TUSC3: variants seen among roughly 807,000 people sequenced by gnomAD.
TUSC3 encodes tumor suppressor candidate 3, also known as dolichyl-diphosphooligosaccharide--protein glycosyltransferase subunit TUSC3.
TUSC3 carries 45 observed loss-of-function variants against 44.8 expected under a neutral mutation model. The observed-to-expected ratio is 1.00, with a 90% CI of 0.79 to 1.29. The LOEUF is 1.29. TUSC3 is among the 50% of genes most tolerant of loss of function. The pLI is 0.00. For synonymous variants in TUSC3, 212 were observed against 152.9 expected (o/e 1.39, Z -2.85); for missense variants, 519 against 437.9 (o/e 1.19, Z -1.65).
intron 2 of TUSC3, among the ~76,000 whole-genome samples, chr8:15,505,417 G>T (rs538707306): frequency 1.3e-5 from 2 of 152,300 alleles, no homozygotes; most frequent in East Asian, 3.9e-4. Context: ...TCCTTTTTCA[G>T]TTAATTTGAG....
intron 6 of TUSC3, among the ~76,000 whole-genome samples, chr8:15,692,468 G>A (rs1430028133): frequency 7.0e-6 from 1 of 143,630 alleles, no homozygotes; most frequent in Non-Finnish European, 1.5e-5. Context: ...TTTGAATCCA[G>A]CTGGTCCTGG....
At chr8:15,620,765 T>C (rs1182094952) in intron 1 of TUSC3, among the ~76,000 whole-genome samples, 2 of 152,150 alleles carry the variant, frequency 1.3e-5, no homozygotes, top group South Asian at 2.1e-4. Flanking sequence ...ATGGGAAGCA[T>C]GGGAAATAGG....
At chr8:15,826,452 G>T in the TUSC3 span, among the ~76,000 whole-genome samples, 1 of 152,124 alleles carries the variant, frequency 6.6e-6, no homozygotes, top group African/African-American at 2.4e-5. Flanking sequence ...CTGGTTTAGT[G>T]ATATCGCACA....
chr8:15,672,628 A>G (rs1327172846), intron 5 of TUSC3, among the ~76,000 whole-genome samples: 2 of 152,080 alleles, frequency 1.3e-5, no homozygotes, highest in African/African-American at 4.8e-5. Flanking sequence ...TCTTAAGAGC[A>G]CAGAAGGTTC....
chr8:15,558,876 G>A lies in TUSC3; in HGVS notation c.138+18308G>A, dbSNP rs557673364. Among the ~76,000 whole-genome samples, 26 of 151,098 alleles carry A rather than the reference G, an allele frequency of 1.7e-4. No individual in the cohort carries two copies. The South Asian group carries it at 4.4e-3, about 26-fold the overall frequency. On this transcript the variant is annotated intron_variant, in intron 1 of 10. Coordinates refer to ENST00000503731, the MANE Select transcript of TUSC3 (RefSeq NM_006765.4). Reference sequence around the variant, plus strand: ...TATCCCCTTTATCATTTTTTATTGCGTCTGTTCGATTCTTCTCTTTTTCTT... The same window carrying A: ...TATCCCCTTTATCATTTTTTATTGCATCTGTTCGATTCTTCTCTTTTTCTT...
chr8:15,775,218 A>C, the TUSC3 span, among the ~76,000 whole-genome samples: 1 of 152,204 alleles, frequency 6.6e-6, no homozygotes. Context: ...AAAGCCACAT[A>C]GTATATCATT....
At chr8:15,577,171 CTTGTAAA>C (rs1803150680) in intron 1 of TUSC3, among the ~76,000 whole-genome samples, 1 of 149,098 alleles carries the variant, frequency 6.7e-6, no homozygotes, top group African/African-American at 2.5e-5. Flanking sequence ...TTGTTTTTTT[CTTGTAAA>C]TTTGTTTGAG....
At chr8:15,552,602 A>C (rs1585093907) in intron 1 of TUSC3, among the ~76,000 whole-genome samples, 2 of 151,670 alleles carry the variant, frequency 1.3e-5, no homozygotes, top group Non-Finnish European at 2.9e-5. Flanking sequence ...AACACAGCAA[A>C]TTCAGAGAAC....
At chr8:15,837,884 T>G in the TUSC3 span, among the ~76,000 whole-genome samples, 3 of 152,224 alleles carry the variant, frequency 2.0e-5, no homozygotes, top group African/African-American at 7.2e-5. Context: ...CTTTTAAAAT[T>G]ATTTATCAGT....
chr8:15,671,327 A>G (rs767528657), intron 5 of TUSC3, among the ~76,000 whole-genome samples: 9 of 152,000 alleles, frequency 5.9e-5, no homozygotes, highest in Non-Finnish European at 1.2e-4. Flanking sequence ...ATAGTTAAAT[A>G]AAAATATTTT....
chr8:15,601,056 G>A (rs1437954133), intron 1 of TUSC3, among the ~76,000 whole-genome samples: 1 of 151,562 alleles, frequency 6.6e-6, no homozygotes, highest in Non-Finnish European at 1.5e-5. Context: ...TATAACACTA[G>A]AGAACTGTAA....
At position 15,540,322 on chromosome 8, in the gene TUSC3, C is replaced by T; in HGVS notation, c.-109C>T. ...GTCCCTCGCAAAGCCGCTGCCATCC[C>T]GGAGGGCCCAGCCAGCGGGCTCCCG... is the stretch of plus-strand genomic sequence containing the variant. On this transcript the variant is annotated 5_prime_UTR_variant, in exon 1 of 11. Transcript: ENST00000503731. The T allele has an allele frequency of 7.4e-7, 1 of 1,354,840 alleles. No individual in the cohort carries two copies. Among genetic ancestry groups the T allele is most frequent in the Non-Finnish European group, 9.5e-7 (1 of 1,052,492 alleles). The allele number at this position is 1,354,840 out of a possible 1,614,324, so 83.9% of individuals were successfully genotyped here.
intron 1 of TUSC3, among the ~76,000 whole-genome samples, chr8:15,596,931 G>C (rs1257900765): frequency 6.6e-6 from 1 of 152,128 alleles, no homozygotes; most frequent in Admixed American, 6.6e-5. Context: ...TAGATACTGT[G>C]TAGCAGGTGA....
intron 2 of TUSC3, among the ~76,000 whole-genome samples, chr8:15,512,050 G>T (rs1455005899): frequency 1.3e-5 from 2 of 152,138 alleles, no homozygotes; most frequent in Non-Finnish European, 2.9e-5. Flanking sequence ...GAACCTAGAA[G>T]ATCCAGAACA....
chr8:15,582,198 G>T (rs143677839), intron 1 of TUSC3, among the ~76,000 whole-genome samples: 1 of 152,082 alleles, frequency 6.6e-6, no homozygotes. Context: ...ACTGGCCTGC[G>T]CCCACTGTCT....
At chr8:15,554,416 G>A (rs1194817784) in intron 1 of TUSC3, among the ~76,000 whole-genome samples, 1 of 151,376 alleles carries the variant, frequency 6.6e-6, no homozygotes, top group South Asian at 2.1e-4. Context: ...TGTTTGAGAT[G>A]GTAGATGCTT....
intron 6 of TUSC3, among the ~76,000 whole-genome samples, chr8:15,675,169 T>A (rs1269682072): frequency 6.6e-6 from 1 of 152,156 alleles, no homozygotes; most frequent in South Asian, 2.1e-4. Flanking sequence ...TTGTCACTGA[T>A]ACATTTCTGT....
intron 1 of TUSC3, among the ~76,000 whole-genome samples, chr8:15,434,612 T>C (rs1398031358): frequency 6.6e-6 from 1 of 151,332 alleles, no homozygotes; most frequent in Non-Finnish European, 1.5e-5. Context: ...ACATGTGCCA[T>C]GCTGGTGTGC....
chr8:15,670,291 A>C (rs1376382076), intron 5 of TUSC3, among the ~76,000 whole-genome samples: 1 of 151,796 alleles, frequency 6.6e-6, no homozygotes, highest in East Asian at 1.9e-4. Context: ...AATGCTGGAG[A>C]ACTTACACTT....
Sources: allele counts gnomAD v4.1 joint callset (sites outside exome capture counted in the v4.1 genomes callset), GRCh38; gene constraint gnomAD v4.1.1; transcripts MANE v1.5; gene names NCBI Gene and HGNC (gene_info 2026-07-23, HGNC 2026-07-21).